LDLRAD4: variants seen among roughly 807,000 people sequenced by gnomAD.
LDLRAD4 encodes the protein low-density lipoprotein receptor class A domain-containing protein 4.
A neutral mutation model predicts 17.0 loss-of-function variants in LDLRAD4; 5 were observed. The observed-to-expected ratio is 0.29, with a 90% confidence interval of 0.15 to 0.62. The LOEUF is 0.62. Ranked by LOEUF, LDLRAD4 falls within the 20% of genes least tolerant of loss-of-function variation. The pLI, the probability that LDLRAD4 is intolerant of heterozygous loss-of-function variation, is 0.84. For missense variants in LDLRAD4, 340 were observed against 424.7 expected (o/e 0.80, Z 1.75); for synonymous variants, 168 against 171.8 (o/e 0.98, Z 0.17).
At chr18:13,347,023 C>T (rs978040490) in intron 1 of LDLRAD4, among the ~76,000 whole-genome samples, 1 of 152,178 alleles carries the variant, frequency 6.6e-6, no homozygotes, top group Non-Finnish European at 1.5e-5. Context: ...GACTTTTTAT[C>T]CAATTTGCCA....
chr18:13,221,072 C>T (rs376476223), intron 1 of LDLRAD4, among the ~76,000 whole-genome samples: 11 of 152,284 alleles, frequency 7.2e-5, no homozygotes, highest in African/African-American at 2.6e-4. Context: ...GGAATCTGGG[C>T]TTATCCAGTC....
chr18:13,341,967 A>C (rs2082395468), intron 1 of LDLRAD4, among the ~76,000 whole-genome samples: 1 of 152,118 alleles, frequency 6.6e-6, no homozygotes, highest in South Asian at 2.1e-4. Flanking sequence ...ATTTTGTCAA[A>C]TGATTTTCTG....
chr18:13,322,209 GACTTTT>G (rs977555446), intron 1 of LDLRAD4, among the ~76,000 whole-genome samples: 2 of 150,550 alleles, frequency 1.3e-5, no homozygotes, highest in Non-Finnish European at 2.9e-5. Flanking sequence ...TTTATGTAAG[GACTTTT>G]ACTTCACAGC....
chr18:13,265,868 C>T (rs531106663), intron 1 of LDLRAD4, among the ~76,000 whole-genome samples: 3 of 152,300 alleles, frequency 2.0e-5, no homozygotes, highest in East Asian at 3.9e-4. Flanking sequence ...CCCCTCCTCA[C>T]TACTCCTGAG....
intron 3 of LDLRAD4, among the ~76,000 whole-genome samples, chr18:13,551,294 G>A (rs2148074942): frequency 6.6e-6 from 1 of 150,860 alleles, no homozygotes. Flanking sequence ...CTTCCTATCA[G>A]GGCCACCTTG....
At chr18:13,604,807 C>T (rs1209416038) in intron 3 of LDLRAD4, among the ~76,000 whole-genome samples, 1 of 152,030 alleles carries the variant, frequency 6.6e-6, no homozygotes, top group Non-Finnish European at 1.5e-5. Flanking sequence ...CCTTCAACAC[C>T]CTCCCACCCA....
At chr18:13,285,206 A>G (rs1159855003) in intron 1 of LDLRAD4, among the ~76,000 whole-genome samples, 1 of 152,192 alleles carries the variant, frequency 6.6e-6, no homozygotes, top group African/African-American at 2.4e-5. Context: ...GCATCTGTGA[A>G]TTCCTTGAAA....
chr18:13,424,004 A>G lies in LDLRAD4; in HGVS notation c.41-14240A>G, dbSNP rs4796979. Among the ~76,000 whole-genome samples, 803 of 152,176 alleles carry G rather than the reference A, an allele frequency of 5.3e-3. 21 individuals are homozygous for G. The highest frequency in any genetic ancestry group is 0.044 in the Admixed American group (671 of 15,294). On this transcript the variant is annotated intron_variant, in intron 2 of 5. Coordinates refer to ENST00000359446, the Ensembl canonical transcript of LDLRAD4. The stretch of plus-strand genomic sequence containing the variant: ...ACAAAAATCAGCCGGGCGTGGTGGC[A>G]TGTGCCTGTAATCCTAGCTACTCAG...
intron 1 of LDLRAD4, among the ~76,000 whole-genome samples, chr18:13,291,194 T>G (rs1247160135): frequency 6.6e-6 from 1 of 152,154 alleles, no homozygotes; most frequent in Non-Finnish European, 1.5e-5. Context: ...CCGGTCTGTT[T>G]GCTGACGTCT....
At chr18:13,596,208 G>A (rs2095093932) in intron 3 of LDLRAD4, among the ~76,000 whole-genome samples, 1 of 152,036 alleles carries the variant, frequency 6.6e-6, no homozygotes, top group Non-Finnish European at 1.5e-5. Context: ...TCTTATGACT[G>A]TTGTTTGTAT....
intron 2 of LDLRAD4, among the ~76,000 whole-genome samples, chr18:13,401,420 G>A (rs1185402506): frequency 6.6e-6 from 1 of 151,020 alleles, no homozygotes; most frequent in Non-Finnish European, 1.5e-5. Flanking sequence ...TTTCACCACA[G>A]TAGAAGGGCT....
intron 3 of LDLRAD4, among the ~76,000 whole-genome samples, chr18:13,596,555 T>G (rs2095098152): frequency 6.6e-6 from 1 of 152,198 alleles, no homozygotes; most frequent in Admixed American, 6.5e-5. Flanking sequence ...ATACATAATT[T>G]TACTCCAATA....
chr18:13,372,514 C>G (rs999337134), intron 1 of LDLRAD4, among the ~76,000 whole-genome samples: 4 of 152,162 alleles, frequency 2.6e-5, no homozygotes, highest in Non-Finnish European at 5.9e-5. Flanking sequence ...CAGCACACAA[C>G]AAGCAATTAT....
chr18:13,506,562 A>G (rs1435819488), intron 3 of LDLRAD4, among the ~76,000 whole-genome samples: 1 of 152,156 alleles, frequency 6.6e-6, no homozygotes, highest in Non-Finnish European at 1.5e-5. Flanking sequence ...CATACTTTGC[A>G]TTCTGTACAT....
At chr18:13,317,314 G>T (rs1016237474) in intron 1 of LDLRAD4, among the ~76,000 whole-genome samples, 3 of 152,178 alleles carry the variant, frequency 2.0e-5, no homozygotes, top group African/African-American at 7.2e-5. Flanking sequence ...GAGACTCCCA[G>T]TTTCTTTAGC....
In LDLRAD4 at chr18:13,457,100, C is replaced by T. The variant is rs190895686; in HGVS notation, c.181+18716C>T. ...CTGCTGTAGTGTCAGCTCCACAGGC[C>T]GGGGGGTCAGTCCCCAAGGCTGCCC... On this transcript the variant is annotated intron_variant, in intron 3 of 5. Transcript: ENST00000359446. Among the ~76,000 whole-genome samples, 265 of 152,342 alleles carry T rather than the reference C, an allele frequency of 1.7e-3. 1 individual carries two copies. The highest frequency in any genetic ancestry group is 6.2e-4 in the South Asian group (3 of 4,822).
intron 2 of LDLRAD4, among the ~76,000 whole-genome samples, chr18:13,395,597 C>T (rs1176322964): frequency 1.9e-5 from 1 of 53,740 alleles, no homozygotes; most frequent in African/African-American, 8.1e-5. Context: ...CGGGAGTTGG[C>T]GTGGGGGCGG....
chr18:13,380,470 C>G (rs1047094314), intron 1 of LDLRAD4, among the ~76,000 whole-genome samples: 1 of 152,242 alleles, frequency 6.6e-6, no homozygotes, highest in African/African-American at 2.4e-5. Context: ...CCTGTCCCCT[C>G]TCCCTGAGCC....
intron 1 of LDLRAD4, among the ~76,000 whole-genome samples, chr18:13,262,438 G>GTGGA (rs2043916874): frequency 7.3e-6 from 1 of 137,218 alleles, no homozygotes; most frequent in Admixed American, 7.2e-5. Context: ...CCCTGTGCGT[G>GTGGA]GAAACTGAGT....
Sources: allele counts gnomAD v4.1 joint callset (sites outside exome capture counted in the v4.1 genomes callset), GRCh38; gene constraint gnomAD v4.1.1; transcripts MANE v1.5; gene names NCBI Gene and HGNC (gene_info 2026-07-23, HGNC 2026-07-21).